The following RNFT2 variants were observed in gnomAD, a reference collection of about 807,000 sequenced individuals.
RNFT2 encodes the protein E3 ubiquitin-protein ligase RNFT2.
A neutral mutation model predicts 53.0 loss-of-function variants in RNFT2; 36 were observed. That is an observed-to-expected ratio of 0.68 (90% confidence interval 0.52 to 0.90). RNFT2 has a LOEUF of 0.90. Ranked by LOEUF, RNFT2 falls within the 40% of genes least tolerant of loss-of-function variation. The pLI is 0.00. For synonymous variants in RNFT2, 260 were observed against 253.2 expected (o/e 1.03, Z -0.26); for missense variants, 514 against 585.6 (o/e 0.88, Z 1.26).
intron 7 of RNFT2, among the ~76,000 whole-genome samples, chr12:116,796,042 G>A (rs535173990): frequency 4.6e-5 from 7 of 152,094 alleles, no homozygotes; most frequent in African/African-American, 1.7e-4. Flanking sequence ...CCAAGTAGCT[G>A]ATATTACAGG....
intron 7 of RNFT2, among the ~76,000 whole-genome samples, chr12:116,803,227 A>G (rs1874888040): frequency 1.3e-5 from 2 of 152,164 alleles, no homozygotes; most frequent in African/African-American, 4.8e-5. Flanking sequence ...CCAGCAGTGG[A>G]GGTTATAAAG....
At position 116,776,487 on chromosome 12, in the gene RNFT2, C is replaced by A. The variant is rs117593718; in HGVS notation, c.729-2708C>A. Among the ~76,000 whole-genome samples, 1,248 of 152,290 alleles carry A rather than the reference C, an allele frequency of 8.2e-3. 4 individuals carry two copies. The highest frequency in any genetic ancestry group is 0.024 in the Middle Eastern group (7 of 294). On this transcript the variant is annotated intron_variant, in intron 6 of 10. Coordinates refer to ENST00000257575, the MANE Select transcript of RNFT2 (RefSeq NM_001382266.1). The stretch of plus-strand genomic sequence containing the variant: ...CCGCAAACCTCTCCCTGTATTATGA[C>A]CTGGATGACCACTCCAACTTGCAGG...
At chr12:116,764,677 A>C (rs1331652400) in intron 5 of RNFT2, among the ~76,000 whole-genome samples, 1 of 152,242 alleles carries the variant, frequency 6.6e-6, no homozygotes, top group South Asian at 2.1e-4. Context: ...AGATCACCTG[A>C]GTTCAGCAGT....
At chr12:116,739,023 T>G (rs572554089) in intron 1 of RNFT2, among the ~76,000 whole-genome samples, 1 of 152,292 alleles carries the variant, frequency 6.6e-6, no homozygotes, top group East Asian at 1.9e-4. Flanking sequence ...AAAGGAGGCT[T>G]CACTGGCGGG....
chr12:116,745,997 G>C (rs1381357482), intron 3 of RNFT2, among the ~76,000 whole-genome samples: 1 of 152,136 alleles, frequency 6.6e-6, no homozygotes, highest in Non-Finnish European at 1.5e-5. Context: ...AGCACTTTGG[G>C]AGGCCAAGGC....
chr12:116,765,123 G>A (rs536014006), intron 5 of RNFT2, among the ~76,000 whole-genome samples: 16 of 152,276 alleles, frequency 1.1e-4, no homozygotes, highest in African/African-American at 3.4e-4. Flanking sequence ...AAGCTTAGGC[G>A]TCGCAGCTGA....
intron 7 of RNFT2, among the ~76,000 whole-genome samples, chr12:116,797,646 G>A (rs1175778764): frequency 6.6e-6 from 1 of 151,754 alleles, no homozygotes; most frequent in African/African-American, 2.4e-5. Context: ...TTGCCCAAGA[G>A]AATTCAAGGG....
At chr12:116,784,161 G>A (rs530612123) in intron 7 of RNFT2, among the ~76,000 whole-genome samples, 1 of 152,220 alleles carries the variant, frequency 6.6e-6, no homozygotes, top group Non-Finnish European at 1.5e-5. Flanking sequence ...ATGCTGTCCA[G>A]TTACTGCACG....
rs148247078 is a variant in RNFT2 at position 116,852,462 on chromosome 12, G to A, written c.*3014G>A. ...GGCAGTGTAGCATCTTTCAAGCTCCGTTACTATGGCGATGGCCATGATGTT... is the reference window on the plus strand; with the variant it reads ...GGCAGTGTAGCATCTTTCAAGCTCCATTACTATGGCGATGGCCATGATGTT... On this transcript the variant is annotated 3_prime_UTR_variant, in exon 11 of 11. Transcript: ENST00000257575. 5.4e-5 allele frequency: 78 copies of A among 1,439,744 alleles called. No homozygotes were observed. In the Admixed American group the frequency reaches 1.0e-3, roughly 19 times the overall value. 89.2% of individuals were successfully genotyped at this position (1,439,744 alleles called of 1,614,324 possible). A position where few individuals can be genotyped will look rare whatever the true frequency, so the allele number is the denominator to read the frequency against.
intron 8 of RNFT2, among the ~76,000 whole-genome samples, chr12:116,835,162 A>G (rs138823913): frequency 3.3e-5 from 5 of 152,162 alleles, no homozygotes; most frequent in Admixed American, 2.0e-4. Flanking sequence ...CATTATTCCC[A>G]TTTTACAGGT....
intron 7 of RNFT2, among the ~76,000 whole-genome samples, chr12:116,830,868 C>T (rs1254562069): frequency 2.0e-5 from 3 of 151,208 alleles, no homozygotes; most frequent in Non-Finnish European, 4.4e-5. Context: ...TGTGCCACTG[C>T]ACTCCACCCT....
In RNFT2 at chr12:116,753,986, A is replaced by G. The variant is rs1872375864; in HGVS notation, c.553A>G (p.Ile185Val). 6.2e-7 allele frequency: 1 copy of G among 1,613,836 alleles called. No homozygotes were observed. The highest frequency in any genetic ancestry group is 8.5e-7 in the Non-Finnish European group (1 of 1,179,800). The part of the protein sequence containing the change: ...AKLCFQHKLG[I>V]AVCIGMASTF... ...TCAGGCCCTTCTCTGTCCCACAGGCATTGCTGTGTGCATCGGGATGGCCAG... is the reference window on the plus strand; with the variant it reads ...TCAGGCCCTTCTCTGTCCCACAGGCGTTGCTGTGTGCATCGGGATGGCCAG... Residue 185 changes from isoleucine (I) to valine (V), a missense_variant and splice_region_variant, in exon 5 of 11, where the codon ATT becomes GTT. Ile to Val is a conservative substitution (Grantham distance 29, BLOSUM62 3). Around this residue, in one of 3 missense-constraint regions of RNFT2, gnomAD observed 4 missense variants for 16.1 expected, o/e 0.25. Transcript: ENST00000257575.
chr12:116,768,888 G>A (rs1465584963), intron 6 of RNFT2, among the ~76,000 whole-genome samples: 1 of 151,570 alleles, frequency 6.6e-6, no homozygotes, highest in Non-Finnish European at 1.5e-5. Flanking sequence ...TCACCACTAC[G>A]CCCGGCTAAT....
At chr12:116,787,757 A>T (rs975384305) in intron 7 of RNFT2, among the ~76,000 whole-genome samples, 2 of 151,636 alleles carry the variant, frequency 1.3e-5, no homozygotes, top group Admixed American at 1.3e-4. Context: ...TAATGTGTGT[A>T]TGAAGAGTTA....
At chr12:116,800,552 G>C (rs1313421173) in intron 7 of RNFT2, among the ~76,000 whole-genome samples, 1 of 151,956 alleles carries the variant, frequency 6.6e-6, no homozygotes, top group African/African-American at 2.4e-5. Context: ...AGAATTGCTT[G>C]AACCCAAGAG....
chr12:116,816,046 T>G (rs1481535551), intron 7 of RNFT2, among the ~76,000 whole-genome samples: 1 of 152,224 alleles, frequency 6.6e-6, no homozygotes, highest in South Asian at 2.1e-4. Context: ...AGAGCATTTG[T>G]GCTTAAGACT....
chr12:116,834,320 T>C (rs1245787016), intron 8 of RNFT2, among the ~76,000 whole-genome samples: 8 of 152,160 alleles, frequency 5.3e-5, no homozygotes, highest in Non-Finnish European at 1.2e-4. Context: ...GGTTTCACCA[T>C]GTTGGCCAGG....
At chr12:116,845,347 A>G (rs1394677685) in intron 10 of RNFT2, among the ~76,000 whole-genome samples, 1 of 151,408 alleles carries the variant, frequency 6.6e-6, no homozygotes, top group Non-Finnish European at 1.5e-5. Context: ...TCCTCATGCA[A>G]TGCTTTGAGA....
At chr12:116,752,396 T>C (rs1872291606) in intron 4 of RNFT2, among the ~76,000 whole-genome samples, 1 of 152,192 alleles carries the variant, frequency 6.6e-6, no homozygotes, top group Non-Finnish European at 1.5e-5. Context: ...CAGCTAAGTT[T>C]TGTTTTGTGA....
Sources: allele counts gnomAD v4.1 joint callset (sites outside exome capture counted in the v4.1 genomes callset), GRCh38; gene constraint gnomAD v4.1.1; regional missense constraint gnomAD v4.1.1; transcripts MANE v1.5; gene names NCBI Gene and HGNC (gene_info 2026-07-23, HGNC 2026-07-21).